The following TSBP1 variants were observed in gnomAD, a reference collection of about 807,000 sequenced individuals.
TSBP1 encodes the protein testis-expressed basic protein 1.
TSBP1 carries 56 observed loss-of-function variants against 68.8 expected under a neutral mutation model. That is an observed-to-expected ratio of 0.81 (90% CI 0.66 to 1.02). The LOEUF (loss-of-function observed/expected upper bound fraction) is 1.02. Among genes scored for constraint, TSBP1 ranks in the 50% least tolerant of loss-of-function variants. The probability of loss-of-function intolerance (pLI) is 0.00; values close to 1 mark genes in which losing one functional copy is unlikely to be tolerated. For synonymous variants in TSBP1, 171 were observed against 208.7 expected, an observed-to-expected ratio of 0.82 and a Z score of 1.56; for missense variants, 502 against 641.2, an observed-to-expected ratio of 0.78 and a Z score of 2.34.
At chr6:32,362,583 C>T (rs1773189997) in intron 6 of TSBP1, among the ~76,000 whole-genome samples, 2 of 152,322 alleles carry the variant, frequency 1.3e-5, no homozygotes, top group Non-Finnish European at 2.9e-5. Flanking sequence ...CAAATATTTT[C>T]TCCTATTCTG....
intron 16 of TSBP1, among the ~76,000 whole-genome samples, chr6:32,329,843 C>T (rs1184932642): frequency 1.3e-5 from 2 of 152,166 alleles, no homozygotes; most frequent in Non-Finnish European, 2.9e-5. Context: ...TTTCCCGTGT[C>T]CTGGGGTTGG....
chr6:32,349,954 T>TCCCACCTTACCACAA, intron 8 of TSBP1, 194 bp from the exon 9 acceptor site: 1 of 773,818 alleles, frequency 1.3e-6, no homozygotes, highest in Non-Finnish European at 2.4e-6. Context: ...ACTTTTGTGG[T>TCCCACCTTACCACAA]AAGGTGGGAC....
Position 32,321,929 on chromosome 6 carries a change from G to T in TSBP1, c.559+1188C>A, listed in dbSNP as rs1246377519. Among the ~76,000 whole-genome samples the T allele has an allele frequency of 2.0e-5, 3 of 152,160 alleles. No homozygotes were observed. Among genetic ancestry groups the T allele is most frequent in the Admixed American group, 2.0e-4 (3 of 15,272 alleles). ...GAATTCTTGCATGAAGAGGTTGGCTGGAGCAGGCAGCAGCTACCCTCTTCA... is the reference window on the plus strand; with the variant it reads ...GAATTCTTGCATGAAGAGGTTGGCTTGAGCAGGCAGCAGCTACCCTCTTCA... On this transcript the variant is annotated intron_variant, in intron 18 of 22. Coordinates refer to ENST00000612031, the Ensembl canonical transcript of TSBP1. This position sits in a 1 kb window ranked among gnomAD's most constrained non-coding sequence, Gnocchi z 4.3.
chr6:32,332,361 G>A lies in TSBP1; in HGVS notation c.473-307C>T, dbSNP rs116913505. 6.7e-3 allele frequency among the ~76,000 whole-genome samples: 1,022 copies of A among 152,314 alleles called. 19 individuals are homozygous for A. The highest frequency in any genetic ancestry group is 0.02 in the East Asian group (102 of 5,188). ...ATTAACATTACTGATGGTAGGGAAA[G>A]GTGAAACACTTCCTGTCAGTAAGAG... On this transcript the variant is annotated intron_variant, in intron 14 of 22. Transcript: ENST00000612031.
At chr6:32,307,329 T>C (rs2127570828) in intron 19 of TSBP1, among the ~76,000 whole-genome samples, 1 of 152,306 alleles carries the variant, frequency 6.6e-6, no homozygotes, top group Admixed American at 6.5e-5. Flanking sequence ...TGTGGATTAT[T>C]TGGATGTATG....
At chr6:32,305,217 T>C (rs1765680772) in intron 19 of TSBP1, among the ~76,000 whole-genome samples, 1 of 152,030 alleles carries the variant, frequency 6.6e-6, no homozygotes, top group Non-Finnish European at 1.5e-5. Flanking sequence ...CTGAAGAAAC[T>C]CCCCAGGCCT....
rs1052419361 is a variant in TSBP1 at position 32,357,193 on chromosome 6, T to G, written c.218-1524A>C. ...GAAATAGTCATTTGGGTTTATGAAT[T>G]TTAAAGTATGACTTATTGAAACAAC... On this transcript the variant is annotated intron_variant, in intron 6 of 22. Transcript: ENST00000612031. The surrounding 1 kb of genome is among the most constrained non-coding windows in gnomAD (Gnocchi z 4.7). 3.3e-5 allele frequency among the ~76,000 whole-genome samples: 5 copies of G among 152,188 alleles called. No homozygotes were observed. The highest frequency in any genetic ancestry group is 6.5e-5 in the Admixed American group (1 of 15,272).
At chr6:32,350,492 A>G (rs564335232) in intron 8 of TSBP1, among the ~76,000 whole-genome samples, 1 of 152,222 alleles carries the variant, frequency 6.6e-6, no homozygotes, top group Non-Finnish European at 1.5e-5. Context: ...CAAGAAAAAT[A>G]TATCAAGAAG....
Position 32,321,730 on chromosome 6 carries a change from G to A in TSBP1, c.559+1387C>T, listed in dbSNP as rs1767657762. ...GCCTTTGTCCTAACATTATTGAAAT[G>A]AGTAAAATGTTATTATGAAAACTGT... is the stretch of plus-strand genomic sequence containing the variant. On this transcript the variant is annotated intron_variant, in intron 18 of 22. Coordinates refer to ENST00000612031, the Ensembl canonical transcript of TSBP1. This position sits in a 1 kb window ranked among gnomAD's most constrained non-coding sequence, Gnocchi z 4.3. 6.6e-6 allele frequency among the ~76,000 whole-genome samples: 1 copy of A among 152,186 alleles called. No homozygotes were observed. Among genetic ancestry groups the A allele is most frequent in the Non-Finnish European group, 1.5e-5 (1 of 68,038 alleles).
rs74714696 is a variant in TSBP1 at position 32,338,354 on chromosome 6, T to A, written c.409+625A>T. ...GGACCCACTTTAAGCATCAAGGCCA[T>A]AAAGGGCTGGCAAAATCTCAGATCA... On this transcript the variant is annotated intron_variant, in intron 11 of 22. Transcript: ENST00000612031. This position sits in a 1 kb window ranked among gnomAD's most constrained non-coding sequence, Gnocchi z 5.5. 0.02 allele frequency among the ~76,000 whole-genome samples: 3,072 copies of A among 152,236 alleles called. 89 individuals carry two copies. The highest frequency in any genetic ancestry group is 0.059 in the African/African-American group (2,464 of 41,514).
At position 32,335,983 on chromosome 6, in the gene TSBP1, C is replaced by T. The variant is rs1402032187; in HGVS notation, c.431-51G>A. On this transcript the variant is annotated intron_variant, in intron 12 of 22. Transcript: ENST00000612031. The surrounding 1 kb of genome is among the most constrained non-coding windows in gnomAD (Gnocchi z 5.5). ...AAAAAGATATCAGTATGCTTCACCA[C>T]TGTGAAGGAAATTTCCATTTCCCAA... The T allele has an allele frequency of 6.7e-7, 1 of 1,495,232 alleles. No individual in the cohort carries two copies. The highest frequency in any genetic ancestry group is 2.3e-5 in the East Asian group (1 of 44,366). 92.6% of individuals were successfully genotyped at this position (1,495,232 alleles called of 1,614,324 possible). A position where few individuals can be genotyped will look rare whatever the true frequency, so the allele number is the denominator to read the frequency against.
rs1769550884 is a variant in TSBP1 at position 32,335,539 on chromosome 6, C to T, written c.452-82G>A. ...TTATTTATATACTTTAATTTGTATA[C>T]TTTCCCTAGTAGGAATCTGCATCAC... On this transcript the variant is annotated intron_variant, in intron 13 of 22. Coordinates refer to ENST00000612031, the Ensembl canonical transcript of TSBP1. This position sits in a 1 kb window ranked among gnomAD's most constrained non-coding sequence, Gnocchi z 5.5. The T allele has an allele frequency of 2.0e-6, 2 of 1,023,786 alleles. No individual in the cohort carries two copies. The highest frequency in any genetic ancestry group is 2.6e-6 in the Non-Finnish European group (2 of 783,074). 63.4% of individuals were successfully genotyped at this position (1,023,786 alleles called of 1,614,324 possible).
chr6:32,320,669 A>G (rs1166109596), intron 18 of TSBP1, among the ~76,000 whole-genome samples: 1 of 151,806 alleles, frequency 6.6e-6, no homozygotes, highest in Admixed American at 6.6e-5. Context: ...TATATTTTTC[A>G]TTTATAGATA....
chr6:32,349,613 T>C, intron 9 of TSBP1, 127 bp downstream of exon 9: 1 of 630,600 alleles, frequency 1.6e-6, no homozygotes, highest in Non-Finnish European at 2.8e-6. Context: ...AACAAAGAAA[T>C]TGGAGAAATG....
chr6:32,334,935 A>C (rs1449580426), intron 14 of TSBP1, among the ~76,000 whole-genome samples: 1 of 152,142 alleles, frequency 6.6e-6, no homozygotes, highest in African/African-American at 2.4e-5. Context: ...TCGGTAGGCT[A>C]AGACAGGAGA....
At chr6:32,330,758 C>T in intron 15 of TSBP1, 149 bp from the exon 17 acceptor site, 1 of 942,006 alleles carries the variant, frequency 1.1e-6, no homozygotes, top group Non-Finnish European at 1.5e-6. Flanking sequence ...GCAACCTCCA[C>T]CTTCTGGGTT....
At chr6:32,327,650 T>TTTTCTTTTATTTTCTTTC (rs1357887239) in intron 16 of TSBP1, among the ~76,000 whole-genome samples, 4 of 118,686 alleles carry the variant, frequency 3.4e-5, no homozygotes, top group Non-Finnish European at 3.8e-5. Context: ...CTAATTTTCT[T>TTTTCTTTTATTTTCTTTC]TTTCTTTTTT....
At chr6:32,303,802 A>G (rs1765530272) in intron 19 of TSBP1, among the ~76,000 whole-genome samples, 4 of 152,180 alleles carry the variant, frequency 2.6e-5, no homozygotes, top group Admixed American at 2.6e-4. Flanking sequence ...GGCAAAGATC[A>G]ATCTTTCTTT....
chr6:32,355,189 G>A, intron 7 of TSBP1, 45 bp from the exon 8 acceptor site: 3 of 1,599,702 alleles, frequency 1.9e-6, no homozygotes, highest in Non-Finnish European at 1.7e-6. Context: ...ATGAGAGTTT[G>A]GATCCCTAAT....
Sources: gnomAD v4.1 joint callset for allele counts (sites outside exome capture counted in the v4.1 genomes callset) on GRCh38, gnomAD v4.1.1 for gene constraint, Gnocchi (gnomAD v3.1) non-coding constraint, MANE v1.5 for transcripts, NCBI Gene and HGNC (gene_info 2026-07-23, HGNC 2026-07-21) for gene names.